RAB3IL1: variants seen among roughly 807,000 people sequenced by gnomAD.
RAB3IL1 encodes the protein RAB3A interacting protein like 1, also known as guanine nucleotide exchange factor for Rab-3A.
A neutral mutation model predicts 49.2 loss-of-function variants in RAB3IL1; 37 were observed. The observed-to-expected ratio is 0.75, with a 90% CI of 0.58 to 0.99. The LOEUF is 0.99. Ranked by LOEUF, RAB3IL1 falls within the 50% of genes least tolerant of loss-of-function variation. The pLI, the probability that RAB3IL1 is intolerant of heterozygous loss-of-function variation, is 0.00. For missense variants in RAB3IL1, 484 were observed against 513.0 expected, an observed-to-expected ratio of 0.94 and a Z score of 0.55; for synonymous variants, 193 against 213.9, an observed-to-expected ratio of 0.90 and a Z score of 0.85.
At chr11:61,904,924 T>C in intron 5 of RAB3IL1, 42 bp from the exon 6 acceptor site, 4 of 1,475,314 alleles carry the variant, frequency 2.7e-6, no homozygotes, top group Non-Finnish European at 3.7e-6. Flanking sequence ...GTCAGGGTAC[T>C]GGGGCCAGCA....
rs907120324 is a variant in RAB3IL1 at position 61,907,674 on chromosome 11, G to A, written c.265-14C>T. Reference sequence around the variant, plus strand: ...TAGCTTCAGCTCCTGGAGGAAAAGAGGCAGGCACTTGAGCACCTCAGCATC... The same window carrying A: ...TAGCTTCAGCTCCTGGAGGAAAAGAAGCAGGCACTTGAGCACCTCAGCATC... On this transcript the variant is annotated splice_polypyrimidine_tract_variant and intron_variant, in intron 2 of 9. Coordinates refer to ENST00000394836, the MANE Select transcript of RAB3IL1 (RefSeq NM_013401.4). The A allele has an allele frequency of 1.9e-6, 3 of 1,613,068 alleles. No homozygotes were observed. The African/African-American group carries it at 4.0e-5, about 22-fold the overall frequency.
Position 61,906,784 on chromosome 11 carries a change from G to A in RAB3IL1, c.439-100C>T, listed in dbSNP as rs970655954. Reference sequence around the variant, plus strand: ...ACTCAGGACAATGCACCCCTGCAGTGACAGGCACTTAGTCCCACCCGACGC... The same window carrying A: ...ACTCAGGACAATGCACCCCTGCAGTAACAGGCACTTAGTCCCACCCGACGC... On this transcript the variant is annotated intron_variant, in intron 4 of 9. Coordinates refer to ENST00000394836, the MANE Select transcript of RAB3IL1 (RefSeq NM_013401.4). This position sits in a 1 kb window ranked among gnomAD's most constrained non-coding sequence, Gnocchi z 4.6. 3.5e-6 allele frequency: 4 copies of A among 1,143,362 alleles called. No homozygotes were observed. Among genetic ancestry groups the A allele is most frequent in the Admixed American group, 4.0e-5 (2 of 50,484 alleles). 70.8% of individuals were successfully genotyped at this position (1,143,362 alleles called of 1,614,324 possible).
chr11:61,939,841 C>T, the RAB3IL1 span, among the ~76,000 whole-genome samples: 2 of 151,866 alleles, frequency 1.3e-5, no homozygotes, highest in African/African-American at 2.4e-5. Context: ...GTCTGTAGTC[C>T]CAGTTATTTG....
chr11:61,902,541 G>T lies in RAB3IL1; in HGVS notation c.900C>A (p.Asn300Lys). The T allele has an allele frequency of 2.5e-6, 4 of 1,595,752 alleles. No homozygotes were observed. Among genetic ancestry groups the T allele is most frequent in the Non-Finnish European group, 3.4e-6 (4 of 1,173,208 alleles). The change falls in exon 8 of 10, where the codon AAC becomes AAA. Residue 300 changes from asparagine (N) to lysine (K), a missense_variant and splice_region_variant. Coordinates refer to ENST00000394836, the MANE Select transcript of RAB3IL1 (RefSeq NM_013401.4). Reference protein sequence around the residue: ...KVAEVDCSSTNTCALSGLTRT... With the variant: ...KVAEVDCSSTKTCALSGLTRT... ...GGGTCAGCCCGCTCAGGGCACATGTGCTAGGGGAAAGCAAAATGGGTCACG... is the reference window on the plus strand; with the variant it reads ...GGGTCAGCCCGCTCAGGGCACATGTTCTAGGGGAAAGCAAAATGGGTCACG...
At chr11:61,937,506 CT>C in the RAB3IL1 span, among the ~76,000 whole-genome samples, 1 of 151,970 alleles carries the variant, frequency 6.6e-6, no homozygotes, top group Non-Finnish European at 1.5e-5. Flanking sequence ...CGGGGTCTTT[CT>C]TTATTACCCA....
At chr11:61,904,981 C>T in intron 5 of RAB3IL1, 99 bp from the exon 6 acceptor site, 1 of 900,556 alleles carries the variant, frequency 1.1e-6, no homozygotes, top group Non-Finnish European at 1.7e-6. Context: ...GGACGTGGGG[C>T]AGGCCCAGCA....
chr11:61,905,006 TC>T, intron 5 of RAB3IL1, 124 bp from the exon 6 acceptor site: 1 of 721,722 alleles, frequency 1.4e-6, no homozygotes, highest in Middle Eastern at 4.1e-4. Flanking sequence ...AGCAGGTCGA[TC>T]CCCAGCAGCC....
At chr11:61,937,510 ATT>A in the RAB3IL1 span, among the ~76,000 whole-genome samples, 1 of 151,852 alleles carries the variant, frequency 6.6e-6, no homozygotes, top group Non-Finnish European at 1.5e-5. Flanking sequence ...GTCTTTCTTT[ATT>A]ACCCAGGCTG....
At chr11:61,943,935 G>A in the RAB3IL1 span, among the ~76,000 whole-genome samples, 5 of 152,080 alleles carry the variant, frequency 3.3e-5, no homozygotes, top group African/African-American at 1.2e-4. Context: ...TTGGGAGTTT[G>A]TTTTGTTTTG....
At chr11:61,937,339 C>T in the RAB3IL1 span, among the ~76,000 whole-genome samples, 22 of 152,130 alleles carry the variant, frequency 1.4e-4, no homozygotes, top group East Asian at 3.7e-3. Flanking sequence ...CCAGGTCTTG[C>T]TCTGTTGCTT....
At chr11:61,932,769 A>AT in the RAB3IL1 span, among the ~76,000 whole-genome samples, 1,489 of 134,030 alleles carry the variant, frequency 0.011, 17 homozygotes, top group South Asian at 0.012. Context: ...ACTATAGTTC[A>AT]TTTTTTTTTT....
chr11:61,898,463 C>T lies in RAB3IL1; in HGVS notation c.1067-103G>A. The T allele has an allele frequency of 2.1e-6, 2 of 935,866 alleles. No homozygotes were observed. Among genetic ancestry groups the T allele is most frequent in the South Asian group, 2.8e-5 (2 of 72,276 alleles). The allele number at this position is 935,866 out of a possible 1,614,324, so 58.0% of individuals were successfully genotyped here. ...GCTTTGGACAGAGCAGCTGGCACAG[C>T]ACCCTAGGGTCCCCGGCCCCCAAAA... On this transcript the variant is annotated intron_variant, in intron 9 of 9. Transcript: ENST00000394836. The surrounding 1 kb of genome is among the most constrained non-coding windows in gnomAD (Gnocchi z 5.1).
In RAB3IL1 at chr11:61,906,591, G is replaced by T. The variant is rs1356355542; in HGVS notation, c.532C>A (p.Leu178Met). 1.9e-6 allele frequency: 3 copies of T among 1,609,646 alleles called. No individual in the cohort carries two copies. Among genetic ancestry groups the T allele is most frequent in the Non-Finnish European group, 2.5e-6 (3 of 1,178,342 alleles). The change falls in exon 5 of 10, where the codon CTG becomes ATG. Residue 178 changes from leucine (L) to methionine (M), a missense_variant. Coordinates refer to ENST00000394836, the MANE Select transcript of RAB3IL1 (RefSeq NM_013401.4). This position sits in a 1 kb window ranked among gnomAD's most constrained non-coding sequence, Gnocchi z 4.6. ...SPNRELHPQLLSPTKAGPRKG... is the reference protein window; with the variant it reads ...SPNRELHPQLMSPTKAGPRKG... ...CGGGGCCCGGCCTTGGTGGGGCTCA[G>T]CAGCTGGGGGTGAAGCTCGCGGTTG... is the stretch of plus-strand genomic sequence containing the variant.
rs1939746145 is a variant in RAB3IL1, at chr11:61,917,406, C to T, written c.-39G>A. On this transcript the variant is annotated 5_prime_UTR_variant, in exon 1 of 10. Coordinates refer to ENST00000394836, the MANE Select transcript of RAB3IL1 (RefSeq NM_013401.4). ...GGCGCCCAGGCGTCCGTTCCCAGCG[C>T]CGCCGCGTCCTCCCAGCGCCGCGTC... 8 of 1,221,492 alleles carry T rather than the reference C, an allele frequency of 6.5e-6. No homozygotes were observed. The African/African-American group carries it at 1.1e-4, about 17-fold the overall frequency. The allele number at this position is 1,221,492 out of a possible 1,614,324, so 75.7% of individuals were successfully genotyped here.
chr11:61,912,382 T>C (rs1045708546), intron 1 of RAB3IL1, among the ~76,000 whole-genome samples: 2 of 151,910 alleles, frequency 1.3e-5, no homozygotes, highest in Non-Finnish European at 2.9e-5. Flanking sequence ...CAGGAAAGGG[T>C]TGGTGGGCCA....
At chr11:61,917,573 G>A (rs1299621812), upstream of RAB3IL1, 2 of 1,084,458 alleles carry the variant, frequency 1.8e-6, no homozygotes, top group African/African-American at 3.4e-5. Context: ...TCACGTGGCG[G>A]AGGGGGGAGC....
At chr11:61,915,005 G>A (rs1939616017) in intron 1 of RAB3IL1, among the ~76,000 whole-genome samples, 1 of 152,220 alleles carries the variant, frequency 6.6e-6, no homozygotes, top group Middle Eastern at 3.4e-3. Flanking sequence ...ACCCAGTGGG[G>A]GCTAGCAGCT....
chr11:61,935,135 T>C, the RAB3IL1 span, among the ~76,000 whole-genome samples: 484 of 152,178 alleles, frequency 3.2e-3, 1 homozygote, highest in African/African-American at 0.011. Flanking sequence ...AATAAACTAA[T>C]AGAAACTGTT....
chr11:61,915,833 C>T (rs947718709), intron 1 of RAB3IL1, among the ~76,000 whole-genome samples: 6 of 151,568 alleles, frequency 4.0e-5, no homozygotes, highest in Non-Finnish European at 8.8e-5. Context: ...GTCAGGAGAT[C>T]GAGACCATCC....
Sources: allele counts gnomAD v4.1 joint callset (sites outside exome capture counted in the v4.1 genomes callset), GRCh38; gene constraint gnomAD v4.1.1; non-coding constraint Gnocchi (gnomAD v3.1); transcripts MANE v1.5; gene names NCBI Gene and HGNC (gene_info 2026-07-23, HGNC 2026-07-21).